ADGRF4: variants seen among roughly 807,000 people sequenced by gnomAD.
ADGRF4 encodes the protein G-protein coupled receptor PGR18.
ADGRF4 carries 63 observed loss-of-function variants against 58.5 expected under a neutral mutation model. The observed-to-expected ratio is 1.08, with a 90% CI of 0.88 to 1.33. The LOEUF is 1.33. Ranked by LOEUF, ADGRF4 falls within the 40% of genes most tolerant of loss-of-function variation. The pLI is 0.00. For missense variants in ADGRF4, 931 were observed against 843.9 expected (o/e 1.10, Z -1.28); for synonymous variants, 313 against 295.4 (o/e 1.06, Z -0.61).
At chr6:47,705,731 C>A (rs1312151497) in intron 1 of ADGRF4, among the ~76,000 whole-genome samples, 3 of 152,174 alleles carry the variant, frequency 2.0e-5, no homozygotes, top group Non-Finnish European at 4.4e-5. Flanking sequence ...TCTGTCGGCT[C>A]CCTGGTCACT....
At chr6:47,715,271 C>T (rs1030015394) in intron 6 of ADGRF4, 94 bp downstream of exon 6, 2 of 930,280 alleles carry the variant, frequency 2.1e-6, no homozygotes, top group African/African-American at 1.7e-5. Flanking sequence ...AATGTTCTCT[C>T]CACTTCCTTT....
chr6:47,699,611 C>T (rs1241040226), intron 1 of ADGRF4, among the ~76,000 whole-genome samples: 1 of 152,198 alleles, frequency 6.6e-6, no homozygotes, highest in Non-Finnish European at 1.5e-5. Flanking sequence ...GGGCTACAAA[C>T]AGATTGGCTG....
chr6:47,710,770 T>A lies in ADGRF4; in HGVS notation c.184T>A (p.Cys62Ser), dbSNP rs778702697. Residue 62 changes from cysteine to serine, a missense_variant, in exon 4 of 10, where the codon TGC (cysteine) becomes AGC (serine). Cys to Ser is a moderately radical substitution (Grantham distance 112). Transcript: ENST00000283303. The part of the protein sequence containing the change: ...CEGPCISSSN[C>S]SQPCAKDFHG... Reference sequence around the variant, plus strand: ...AGGACCTTGTATTTCTTCTTCCAACTGCAGCCAGCCCTGTGCTAAGGACTT... The same window carrying A: ...AGGACCTTGTATTTCTTCTTCCAACAGCAGCCAGCCCTGTGCTAAGGACTT... The A allele has an allele frequency of 1.2e-6, 2 of 1,608,856 alleles. No homozygotes were observed. Among genetic ancestry groups the A allele is most frequent in the Non-Finnish European group, 8.5e-7 (1 of 1,178,466 alleles).
intron 7 of ADGRF4, 110 bp from the exon 8 acceptor site, chr6:47,717,182 C>T (rs1772041314): frequency 1.3e-6 from 1 of 795,378 alleles, no homozygotes; most frequent in African/African-American, 1.7e-5. Flanking sequence ...TATGCTAAGT[C>T]CTCTGATATT....
chr6:47,714,581 A>G lies in ADGRF4; in HGVS notation c.1336A>G (p.Ile446Val). Residue 446 changes from isoleucine (I) to valine (V), a missense_variant, in exon 6 of 10, where the codon ATA (isoleucine) becomes GTA (valine). Coordinates refer to ENST00000283303, the MANE Select transcript of ADGRF4 (RefSeq NM_153838.5). ...SYMRHVCIVN[I>V]AVSLLTANVW... ...CATGCGTCACGTGTGCATCGTGAAT[A>G]TAGCAGTGTCCCTTCTGACTGCCAA... 1.2e-6 allele frequency: 2 copies of G among 1,614,158 alleles called. No homozygotes were observed. Among genetic ancestry groups the G allele is most frequent in the Non-Finnish European group, 1.7e-6 (2 of 1,180,042 alleles).
rs762165091 is a variant in ADGRF4, at chr6:47,714,108, C to T, written c.863C>T (p.Ser288Phe). The T allele has an allele frequency of 1.2e-6, 2 of 1,613,984 alleles. No homozygotes were observed. Among genetic ancestry groups the T allele is most frequent in the Non-Finnish European group, 1.7e-6 (2 of 1,179,964 alleles). ...CTAAGGAAGCTGTGGCCAAATGCAT[C>T]CCAAGCCATTAGCATAGCTTTCCCA... Reference protein sequence around the residue: ...QELRKLWPNASQAISIAFPTL... With the variant: ...QELRKLWPNAFQAISIAFPTL... The change falls in exon 6 of 10, where the codon TCC (serine) becomes TTC (phenylalanine). Residue 288 changes from serine to phenylalanine, a missense_variant. Physicochemically the swap from Ser to Phe is radical, Grantham distance 155. Transcript: ENST00000283303.
chr6:47,701,930 T>A (rs978628029), intron 1 of ADGRF4, among the ~76,000 whole-genome samples: 26 of 152,148 alleles, frequency 1.7e-4, no homozygotes, highest in African/African-American at 4.8e-4. Context: ...GCCTCCCAGG[T>A]TCAAGCGATT....
rs1771891048 is a variant in ADGRF4, at chr6:47,712,321, A to C, written c.301-36A>C. 3.1e-6 allele frequency: 5 copies of C among 1,607,044 alleles called. No individual in the cohort carries two copies. The Admixed American group carries it at 6.7e-5, about 21-fold the overall frequency. On this transcript the variant is annotated intron_variant, in intron 4 of 9. Transcript: ENST00000283303. The stretch of plus-strand genomic sequence containing the variant: ...TAGTCTGATACATGGTAGGTACTTA[A>C]TCATTTTTGAATGAAACTACATTTG...
At chr6:47,710,616 C>A in intron 3 of ADGRF4, 119 bp from the exon 4 acceptor site, 3 of 959,484 alleles carry the variant, frequency 3.1e-6, no homozygotes, top group South Asian at 1.7e-5. Context: ...CAGTTCAACC[C>A]AATTGCCTCC....
intron 3 of ADGRF4, among the ~76,000 whole-genome samples, chr6:47,708,488 A>G (rs1459321489): frequency 6.6e-6 from 1 of 152,240 alleles, no homozygotes; most frequent in East Asian, 1.9e-4. Context: ...GCAAATATTC[A>G]CATGTGCTCT....
rs767800192 is a variant in ADGRF4, at chr6:47,707,284, A to G, written c.39A>G (p.Leu13=). ...CCCAGGCAACCATGATTTGCTGCTT[A>G]GTGTTCTTTCTGTCCACAGAATGTT... The part of the protein sequence containing the change: ...MKSQATMICC[L]VFFLSTECSH... Residue 13 remains leucine, a synonymous_variant, in exon 2 of 10, where the codon TTA becomes TTG. Transcript: ENST00000283303. The G allele has an allele frequency of 3.7e-5, 59 of 1,613,410 alleles. No homozygotes were observed. The highest frequency in any genetic ancestry group is 4.5e-5 in the Non-Finnish European group (53 of 1,179,434).
intron 1 of ADGRF4, among the ~76,000 whole-genome samples, chr6:47,704,931 T>A (rs2113895888): frequency 6.6e-6 from 1 of 152,192 alleles, no homozygotes; most frequent in East Asian, 1.9e-4. Context: ...TGTCAAGGTT[T>A]TGTTTTTGTT....
chr6:47,710,632 G>A, intron 3 of ADGRF4, 103 bp from the exon 4 acceptor site: 1 of 1,236,878 alleles, frequency 8.1e-7, no homozygotes, highest in Non-Finnish European at 1.1e-6. Flanking sequence ...CCTCCTCCAG[G>A]AAGCAATCCA....
chr6:47,707,319 G>A lies in ADGRF4; in HGVS notation c.74G>A (p.Arg25Lys), dbSNP rs185636208. 2 of 1,610,020 alleles carry A rather than the reference G, an allele frequency of 1.2e-6. No individual in the cohort carries two copies. Among genetic ancestry groups the A allele is most frequent in the Admixed American group, 3.3e-5 (2 of 60,016 alleles). The change falls in exon 2 of 10, where the codon AGA (arginine) becomes AAA (lysine). Residue 25 changes from arginine to lysine, a missense_variant. Coordinates refer to ENST00000283303, the MANE Select transcript of ADGRF4 (RefSeq NM_153838.5). ...CTGTCCACAGAATGTTCCCACTATA[G>A]ATCCAAGATTCACCTAAAAGTAAGT... ...FFLSTECSHY[R>K]SKIHLKAGDK...
intron 5 of ADGRF4, among the ~76,000 whole-genome samples, chr6:47,712,873 A>G (rs1771906391): frequency 1.3e-5 from 2 of 152,212 alleles, no homozygotes; most frequent in Admixed American, 1.3e-4. Flanking sequence ...GCAAGACGGA[A>G]TGTACACTAA....
intron 1 of ADGRF4, 145 bp from the exon 2 acceptor site, chr6:47,707,085 G>A: frequency 1.7e-6 from 1 of 593,018 alleles, no homozygotes; most frequent in South Asian, 2.2e-5. Flanking sequence ...ATAGATATTG[G>A]TGTGCTTTTC....
intron 9 of ADGRF4, among the ~76,000 whole-genome samples, chr6:47,720,189 C>A (rs759974860): frequency 6.6e-6 from 1 of 151,986 alleles, no homozygotes; most frequent in African/African-American, 2.4e-5. Flanking sequence ...GTGGCAGCAC[C>A]AGGGGGTCTC....
In ADGRF4 at chr6:47,707,312, C is replaced by A; in HGVS notation, c.67C>A (p.His23Asn). The A allele has an allele frequency of 4.3e-6, 7 of 1,611,368 alleles. No individual in the cohort carries two copies. In the South Asian group the frequency reaches 7.7e-5, roughly 18 times the overall value. ...GTTCTTTCTGTCCACAGAATGTTCC[C>A]ACTATAGATCCAAGATTCACCTAAA... ...LVFFLSTECSHYRSKIHLKAG... is the reference protein window; with the variant it reads ...LVFFLSTECSNYRSKIHLKAG... Residue 23 changes from histidine to asparagine, a missense_variant, in exon 2 of 10, where the codon CAC (histidine) becomes AAC (asparagine). Transcript: ENST00000283303.
Position 47,713,902 on chromosome 6 carries a change from T to C in ADGRF4, c.657T>C (p.Asn219=). Residue 219 remains asparagine, a synonymous_variant, in exon 6 of 10, where the codon AAT becomes AAC. Coordinates refer to ENST00000283303, the MANE Select transcript of ADGRF4 (RefSeq NM_153838.5). ...GCTCGGATTTGTTGCAGTCAGTGAA[T>C]TTGTTTGCCAGACAACTCCACATCC... ...NASSDLLQSV[N]LFARQLHIHN... The C allele has an allele frequency of 6.2e-7, 1 of 1,609,690 alleles. No homozygotes were observed. The highest frequency in any genetic ancestry group is 8.5e-7 in the Non-Finnish European group (1 of 1,178,328).
Sources: gnomAD v4.1 joint callset for allele counts (sites outside exome capture counted in the v4.1 genomes callset) on GRCh38, gnomAD v4.1.1 for gene constraint, MANE v1.5 for transcripts, NCBI Gene and HGNC (gene_info 2026-07-23, HGNC 2026-07-21) for gene names.